Variants in SPTBN1 observed in about 807,000 individuals in gnomAD.
The protein encoded by SPTBN1 is spectrin beta chain, non-erythrocytic 1.
A neutral mutation model predicts 266.4 loss-of-function variants in SPTBN1; 32 were observed. The observed-to-expected ratio is 0.12, with a 90% confidence interval of 0.09 to 0.16. SPTBN1 has a LOEUF of 0.16. SPTBN1 is among the 10% of genes least tolerant of loss of function. The probability of loss-of-function intolerance (pLI) is 1.00; values close to 1 mark genes in which losing one functional copy is unlikely to be tolerated. For missense variants in SPTBN1, 2,296 were observed against 3,067.1 expected (o/e 0.75, Z 5.94); for synonymous variants, 1,336 against 1,162.2 (o/e 1.15, Z -3.04).
At chr2:54,488,807 A>T (rs992881034) in intron 1 of SPTBN1, among the ~76,000 whole-genome samples, 3 of 152,222 alleles carry the variant, frequency 2.0e-5, no homozygotes, top group East Asian at 1.9e-4. Flanking sequence ...ACTTTCAATT[A>T]TAATGAAGTT....
intron 34 of SPTBN1, 46 bp downstream of exon 34, chr2:54,666,134 A>G (rs778956920): frequency 3.2e-6 from 5 of 1,563,332 alleles, no homozygotes; most frequent in Non-Finnish European, 8.7e-7. Context: ...GTTTGCATTT[A>G]CTTCCACTCT....
At position 54,598,794 on chromosome 2, in the gene SPTBN1, A is replaced by G. The variant is rs563320129; in HGVS notation, c.149-298A>G. Among the ~76,000 whole-genome samples, 390 of 152,318 alleles carry G rather than the reference A, an allele frequency of 2.6e-3. 4 individuals carry two copies. The highest frequency in any genetic ancestry group is 9.0e-3 in the African/African-American group (375 of 41,560). On this transcript the variant is annotated intron_variant, in intron 2 of 35. Coordinates refer to ENST00000356805, the MANE Select transcript of SPTBN1 (RefSeq NM_003128.3). ...GGGGAGCAAAGGATGTTCTGCTGGC[A>G]GTGTGCCTGGGAGCTCACATGTTTA...
At chr2:54,489,151 TAAAAA>T (rs66488966) in intron 1 of SPTBN1, among the ~76,000 whole-genome samples, 10 of 116,108 alleles carry the variant, frequency 8.6e-5, no homozygotes, top group African/African-American at 2.1e-4. Context: ...GGTCTGTATT[TAAAAA>T]AAAAAAAAAA....
chr2:54,508,178 C>T (rs561412457), intron 1 of SPTBN1, among the ~76,000 whole-genome samples: 1 of 152,236 alleles, frequency 6.6e-6, no homozygotes, highest in African/African-American at 2.4e-5. Flanking sequence ...GGTCCGTTAT[C>T]GGACTGTATA....
chr2:54,550,622 C>G (rs903457791), intron 2 of SPTBN1, among the ~76,000 whole-genome samples: 1 of 152,166 alleles, frequency 6.6e-6, no homozygotes, highest in African/African-American at 2.4e-5. Context: ...GGAAGAAATC[C>G]TGCTCTGATA....
intron 20 of SPTBN1, among the ~76,000 whole-genome samples, chr2:54,644,925 CT>C (rs1166223867): frequency 6.6e-6 from 1 of 152,186 alleles, no homozygotes; most frequent in Non-Finnish European, 1.5e-5. Flanking sequence ...TATTCTCATA[CT>C]TTGTTGTTTA....
chr2:54,473,204 G>C (rs1386161179), intron 1 of SPTBN1, among the ~76,000 whole-genome samples: 2 of 152,148 alleles, frequency 1.3e-5, no homozygotes, highest in Non-Finnish European at 2.9e-5. Context: ...GCCTTATACA[G>C]AGATTTATAA....
intron 2 of SPTBN1, among the ~76,000 whole-genome samples, chr2:54,586,123 T>C (rs1410048562): frequency 3.3e-5 from 5 of 152,224 alleles, no homozygotes; most frequent in African/African-American, 1.2e-4. Flanking sequence ...GTTCGTGACT[T>C]CTGAAATCCA....
rs758733152 is a variant in SPTBN1, at chr2:54,646,313, C to T, written c.4704C>T (p.Ala1568=). Residue 1568 remains alanine (A), a synonymous_variant, in exon 23 of 36, where the codon GCC becomes GCT. Transcript: ENST00000356805. This position sits in a 1 kb window ranked among gnomAD's most constrained non-coding sequence, Gnocchi z 4.4. ...CTGAGGCCATCAGACAGAGGCTTGC[C>T]GACCTGAAGCAGCTGTGGGGTCTCC... ...LSAEAIRQRL[A]DLKQLWGLLI... The T allele has an allele frequency of 2.1e-5, 34 of 1,614,060 alleles. No individual in the cohort carries two copies. The highest frequency in any genetic ancestry group is 1.6e-4 in the Middle Eastern group (1 of 6,082).
chr2:54,479,298 C>A (rs1373944787), intron 1 of SPTBN1, among the ~76,000 whole-genome samples: 1 of 152,144 alleles, frequency 6.6e-6, no homozygotes, highest in Non-Finnish European at 1.5e-5. Flanking sequence ...TGGTTTGTAA[C>A]CATGTAAGAA....
At chr2:54,636,094 C>T (rs1265599809) in intron 17 of SPTBN1, among the ~76,000 whole-genome samples, 1 of 152,054 alleles carries the variant, frequency 6.6e-6, no homozygotes, top group African/African-American at 2.4e-5. Flanking sequence ...TAGCATATGC[C>T]ATTTAAGTGT....
intron 2 of SPTBN1, among the ~76,000 whole-genome samples, chr2:54,593,608 G>A (rs1558878516): frequency 1.3e-5 from 2 of 152,036 alleles, no homozygotes; most frequent in East Asian, 1.9e-4. Flanking sequence ...GAACCTGAGG[G>A]CCTTTACATG....
intron 17 of SPTBN1, among the ~76,000 whole-genome samples, chr2:54,633,349 G>A (rs1459251698): frequency 2.0e-5 from 3 of 152,118 alleles, no homozygotes; most frequent in Admixed American, 2.0e-4. Context: ...TTCTGCCAGG[G>A]CATCTCCAGG....
intron 3 of SPTBN1, among the ~76,000 whole-genome samples, chr2:54,603,506 A>G (rs1676632541): frequency 6.6e-6 from 1 of 152,276 alleles, no homozygotes; most frequent in East Asian, 1.9e-4. Context: ...TATGGTGTGG[A>G]CTGCAGCCCA....
chr2:54,666,623 A>G (rs985501609), intron 34 of SPTBN1, among the ~76,000 whole-genome samples: 1 of 152,080 alleles, frequency 6.6e-6, no homozygotes, highest in Non-Finnish European at 1.5e-5. Flanking sequence ...AAATGTCTCT[A>G]CCCTGTAGGA....
chr2:54,518,465 A>AAG (rs1215009294), intron 1 of SPTBN1, among the ~76,000 whole-genome samples: 1 of 151,630 alleles, frequency 6.6e-6, no homozygotes, highest in African/African-American at 2.4e-5. Flanking sequence ...AAAAAAAAAA[A>AAG]AAAAGAAACA....
Position 54,659,347 on chromosome 2 carries a change from C to G in SPTBN1, c.6356+81C>G. On this transcript the variant is annotated intron_variant, in intron 31 of 35. Transcript: ENST00000356805. Reference sequence around the variant, plus strand: ...TATGGGGCATCTTTCTGAAGCCTTGCATTGCTAGGCCTAACCACATGCCCT... The same window carrying G: ...TATGGGGCATCTTTCTGAAGCCTTGGATTGCTAGGCCTAACCACATGCCCT... The G allele has an allele frequency of 2.9e-6, 4 of 1,361,436 alleles. No individual in the cohort carries two copies. In the East Asian group the frequency reaches 6.9e-5, roughly 23 times the overall value. 84.3% of individuals were successfully genotyped at this position (1,361,436 alleles called of 1,614,324 possible). A position where few individuals can be genotyped will look rare whatever the true frequency, so the allele number is the denominator to read the frequency against.
Position 54,533,751 on chromosome 2 carries a change from A to G in SPTBN1, c.148+7185A>G, listed in dbSNP as rs111350349. Among the ~76,000 whole-genome samples, 6,415 of 152,192 alleles carry G rather than the reference A, an allele frequency of 0.042. 471 individuals are homozygous for G. Among genetic ancestry groups the G allele is most frequent in the African/African-American group, 0.15 (6,095 of 41,486 alleles). ...TTTTTAGTAGAGACGGGGTTTCACC[A>G]TGTTGGCCAGGCTGGTCTCGAACTC... is the stretch of plus-strand genomic sequence containing the variant. On this transcript the variant is annotated intron_variant, in intron 2 of 35. Coordinates refer to ENST00000356805, the MANE Select transcript of SPTBN1 (RefSeq NM_003128.3). This position sits in a 1 kb window ranked among gnomAD's most constrained non-coding sequence, Gnocchi z 4.2.
intron 1 of SPTBN1, among the ~76,000 whole-genome samples, chr2:54,478,526 A>G (rs1558761382): frequency 6.6e-6 from 1 of 152,132 alleles, no homozygotes; most frequent in Non-Finnish European, 1.5e-5. Flanking sequence ...ATCTTAGTAC[A>G]TCCACATGAT....
Sources: gnomAD v4.1 joint callset for allele counts (sites outside exome capture counted in the v4.1 genomes callset) on GRCh38, gnomAD v4.1.1 for gene constraint, Gnocchi (gnomAD v3.1) non-coding constraint, MANE v1.5 for transcripts, NCBI Gene and HGNC (gene_info 2026-07-23, HGNC 2026-07-21) for gene names.